Variants in MACROD2 observed in about 807,000 individuals in gnomAD.
MACROD2 encodes ADP-ribose glycohydrolase MACROD2.
A neutral mutation model predicts 70.4 loss-of-function variants in MACROD2; 36 were observed. The observed-to-expected ratio is 0.51, with a 90% CI of 0.39 to 0.68. MACROD2 has a LOEUF of 0.68. Among genes scored for constraint, MACROD2 ranks in the 30% least tolerant of loss-of-function variants. The pLI is 0.00. For missense variants in MACROD2, 496 were observed against 538.4 expected (o/e 0.92, Z 0.78); for synonymous variants, 172 against 178.8 (o/e 0.96, Z 0.30).
At chr20:15,959,026 T>C (rs902880552) in intron 12 of MACROD2, among the ~76,000 whole-genome samples, 6 of 152,206 alleles carry the variant, frequency 3.9e-5, no homozygotes, top group African/African-American at 7.2e-5. Flanking sequence ...GCTGACAATA[T>C]AGTCATTGCG....
chr20:14,705,259 A>C (rs2071255661), intron 5 of MACROD2, among the ~76,000 whole-genome samples: 1 of 151,934 alleles, frequency 6.6e-6, no homozygotes, highest in Non-Finnish European at 1.5e-5. Flanking sequence ...TCTCACCTAC[A>C]TTCATGTTCG....
At chr20:15,238,670 T>C (rs530641183) in intron 6 of MACROD2, among the ~76,000 whole-genome samples, 1 of 152,330 alleles carries the variant, frequency 6.6e-6, no homozygotes, top group African/African-American at 2.4e-5. Context: ...TTTTGCTTTA[T>C]TTCATCTACA....
chr20:15,534,552 T>C (rs1220834942), intron 8 of MACROD2, among the ~76,000 whole-genome samples: 1 of 152,224 alleles, frequency 6.6e-6, no homozygotes, highest in African/African-American at 2.4e-5. Flanking sequence ...ATGCTTTTTT[T>C]TTCTTACTTA....
intron 5 of MACROD2, among the ~76,000 whole-genome samples, chr20:14,993,393 C>T (rs556047267): frequency 1.3e-5 from 2 of 151,916 alleles, no homozygotes; most frequent in African/African-American, 4.8e-5. Context: ...CTTTTGATCC[C>T]AACCAATGAA....
At chr20:14,550,296 C>G (rs1448904427) in intron 4 of MACROD2, among the ~76,000 whole-genome samples, 6 of 152,048 alleles carry the variant, frequency 3.9e-5, no homozygotes, top group Non-Finnish European at 8.8e-5. Flanking sequence ...TTTCCCTGTC[C>G]CTTCCTTCCC....
At chr20:15,065,761 C>A (rs1212407070) in intron 5 of MACROD2, among the ~76,000 whole-genome samples, 1 of 151,770 alleles carries the variant, frequency 6.6e-6, no homozygotes, top group African/African-American at 2.4e-5. Context: ...ATAAAAGTTG[C>A]TGAGAATTCT....
chr20:14,326,070 C>G lies in MACROD2; in HGVS notation c.272-167409C>G, dbSNP rs1388142509. ...AGAGGTTGCTGGTTTCCATGGGAAC[C>G]ATGCATACTTTATAGGGTGAATCAG... On this transcript the variant is annotated intron_variant, in intron 3 of 17. Coordinates refer to ENST00000684519, the MANE Select transcript of MACROD2 (RefSeq NM_001351661.2). The surrounding 1 kb of genome is among the most constrained non-coding windows in gnomAD (Gnocchi z 5.5). 1 of 1,613,876 alleles carries G rather than the reference C, an allele frequency of 6.2e-7. No individual in the cohort carries two copies. The highest frequency in any genetic ancestry group is 1.7e-5 in the Admixed American group (1 of 59,988).
chr20:14,704,130 T>C (rs58677330), intron 5 of MACROD2, among the ~76,000 whole-genome samples: 3,217 of 152,286 alleles, frequency 0.021, 119 homozygotes, highest in African/African-American at 0.073. Context: ...TATTTTCTTA[T>C]GATTTCTTCC....
chr20:15,186,216 A>G (rs1163322605), intron 5 of MACROD2, among the ~76,000 whole-genome samples: 2 of 151,782 alleles, frequency 1.3e-5, no homozygotes, highest in Admixed American at 1.3e-4. Context: ...GTGGCTCTCT[A>G]TCTAGATTTG....
At chr20:15,708,747 T>C (rs1472243107) in intron 8 of MACROD2, among the ~76,000 whole-genome samples, 3 of 128,704 alleles carry the variant, frequency 2.3e-5, no homozygotes, top group Non-Finnish European at 5.7e-5. Flanking sequence ...CATGGTAGAC[T>C]GGACTTGGTG....
At chr20:14,736,419 T>C (rs1015333836) in intron 5 of MACROD2, among the ~76,000 whole-genome samples, 3 of 152,168 alleles carry the variant, frequency 2.0e-5, no homozygotes, top group Admixed American at 1.3e-4. Flanking sequence ...CTGTACAACA[T>C]TGTGAAAGTA....
At chr20:15,280,601 A>C (rs1459105003) in intron 6 of MACROD2, among the ~76,000 whole-genome samples, 1 of 152,146 alleles carries the variant, frequency 6.6e-6, no homozygotes, top group Non-Finnish European at 1.5e-5. Context: ...ACCAGCTGGG[A>C]TCCTTTCACA....
chr20:14,141,570 A>AC (rs1207645855), intron 3 of MACROD2, among the ~76,000 whole-genome samples: 6 of 151,676 alleles, frequency 4.0e-5, no homozygotes, highest in Non-Finnish European at 8.8e-5. Flanking sequence ...ACATGGTGAA[A>AC]CCCCATCTCT....
In MACROD2 at chr20:15,994,779, A is replaced by AT. The variant is rs1361283007; in HGVS notation, c.1153+7626dup. On this transcript the variant is annotated intron_variant, in intron 15 of 17. Coordinates refer to ENST00000684519, the MANE Select transcript of MACROD2 (RefSeq NM_001351661.2). ...CTCACCACCTCCCTCCATATTTATT[A>AT]TTTTTCAGAGATTTTCACCTAAGTC... is the stretch of plus-strand genomic sequence containing the variant. Among the ~76,000 whole-genome samples the AT allele has an allele frequency of 3.3e-5, 5 of 152,096 alleles. No homozygotes were observed. In the East Asian group the frequency reaches 9.7e-4, roughly 29 times the overall value.
At chr20:15,282,297 C>G (rs1568690504) in intron 6 of MACROD2, among the ~76,000 whole-genome samples, 1 of 152,338 alleles carries the variant, frequency 6.6e-6, no homozygotes, top group Non-Finnish European at 1.5e-5. Context: ...ATTTCTGCAG[C>G]CAACTTGAAT....
chr20:14,803,922 G>T (rs1192102787), intron 5 of MACROD2, among the ~76,000 whole-genome samples: 1 of 152,066 alleles, frequency 6.6e-6, no homozygotes, highest in Non-Finnish European at 1.5e-5. Flanking sequence ...TCCTTATCAA[G>T]TGTGGCTCAA....
intron 3 of MACROD2, among the ~76,000 whole-genome samples, chr20:14,245,678 C>T (rs1163963642): frequency 2.0e-5 from 3 of 152,126 alleles, no homozygotes; most frequent in East Asian, 1.9e-4. Flanking sequence ...AGGGGTATTC[C>T]AAGGTCATTA....
chr20:15,947,016 C>T (rs2065832942), intron 12 of MACROD2, among the ~76,000 whole-genome samples: 1 of 152,200 alleles, frequency 6.6e-6, no homozygotes, highest in Non-Finnish European at 1.5e-5. Flanking sequence ...CTTTTCTCTA[C>T]CCAAACATCT....
intron 4 of MACROD2, among the ~76,000 whole-genome samples, chr20:14,573,576 T>TA (rs1980364657): frequency 1.0e-5 from 1 of 99,316 alleles, no homozygotes. Context: ...AGAAAAGATA[T>TA]TATTTTTTTT....
Sources: gnomAD v4.1 joint callset for allele counts (sites outside exome capture counted in the v4.1 genomes callset) on GRCh38, gnomAD v4.1.1 for gene constraint, Gnocchi (gnomAD v3.1) non-coding constraint, MANE v1.5 for transcripts, NCBI Gene and HGNC (gene_info 2026-07-23, HGNC 2026-07-21) for gene names.